RAPGEF4: variants seen among roughly 807,000 people sequenced by gnomAD.
The protein encoded by RAPGEF4 is RAP guanine-nucleotide-exchange factor (GEF) 4.
RAPGEF4 carries 66 observed loss-of-function variants against 147.9 expected under a neutral mutation model. The ratio of observed to expected loss-of-function variants is 0.45; its 90% CI spans 0.37 to 0.55. The LOEUF is 0.55. RAPGEF4 is among the 20% of genes least tolerant of loss of function. The pLI, the probability that RAPGEF4 is intolerant of heterozygous loss-of-function variation, is 0.00. For missense variants in RAPGEF4, 1,071 were observed against 1,257.3 expected (o/e 0.85, Z 2.24); for synonymous variants, 419 against 442.7 (o/e 0.95, Z 0.67).
At chr2:172,746,548 G>T (rs971908212) in intron 1 of RAPGEF4, among the ~76,000 whole-genome samples, 1 of 151,926 alleles carries the variant, frequency 6.6e-6, no homozygotes, top group Non-Finnish European at 1.5e-5. Context: ...CACTTTTATT[G>T]AATAAAATTG....
chr2:172,844,388 G>A (rs2194715), intron 4 of RAPGEF4, among the ~76,000 whole-genome samples: 3,807 of 152,220 alleles, frequency 0.025, 94 homozygotes, highest in East Asian at 0.11. Flanking sequence ...TGAGGCACTC[G>A]GGAAATAAAA....
At chr2:172,905,188 C>T (rs956568379) in intron 4 of RAPGEF4, among the ~76,000 whole-genome samples, 8 of 152,262 alleles carry the variant, frequency 5.3e-5, no homozygotes, top group Admixed American at 6.5e-5. Context: ...CCTCCCCACC[C>T]GAACAGGTTT....
intron 1 of RAPGEF4, among the ~76,000 whole-genome samples, chr2:172,759,118 A>C (rs1000410537): frequency 7.9e-5 from 12 of 152,176 alleles, no homozygotes; most frequent in African/African-American, 2.7e-4. Context: ...AAGAAGAAAG[A>C]CCAAAATCTG....
intron 6 of RAPGEF4, among the ~76,000 whole-genome samples, chr2:172,952,094 T>C (rs2105393605): frequency 6.6e-6 from 1 of 152,304 alleles, no homozygotes; most frequent in African/African-American, 2.4e-5. Context: ...CACTGCAACC[T>C]CAAACTACTG....
At chr2:172,909,783 G>T (rs949609038) in intron 4 of RAPGEF4, among the ~76,000 whole-genome samples, 1 of 152,180 alleles carries the variant, frequency 6.6e-6, no homozygotes, top group Non-Finnish European at 1.5e-5. Flanking sequence ...CTTCTATAAA[G>T]ATATGAACTG....
chr2:172,910,026 A>G (rs1699951357), intron 4 of RAPGEF4, among the ~76,000 whole-genome samples: 1 of 152,202 alleles, frequency 6.6e-6, no homozygotes, highest in Admixed American at 6.5e-5. Flanking sequence ...GCCAGGTGCC[A>G]TGCGTGCTCT....
intron 1 of RAPGEF4, 187 bp downstream of exon 1, chr2:172,736,235 T>A: frequency 2.6e-6 from 1 of 379,262 alleles, no homozygotes; most frequent in Non-Finnish European, 4.6e-6. Context: ...TCTCGTGGGG[T>A]GCCAGCGGCA....
At chr2:173,032,958 A>G (rs1169511167) in intron 26 of RAPGEF4, among the ~76,000 whole-genome samples, 1 of 152,196 alleles carries the variant, frequency 6.6e-6, no homozygotes, top group Non-Finnish European at 1.5e-5. Flanking sequence ...TGGGAAACGT[A>G]TCACACAGCT....
chr2:172,979,320 C>A (rs1691427921), intron 10 of RAPGEF4, among the ~76,000 whole-genome samples: 1 of 152,214 alleles, frequency 6.6e-6, no homozygotes, highest in African/African-American at 2.4e-5. Flanking sequence ...CTCCCTTGGG[C>A]AGACCCTAAA....
chr2:172,905,171 G>T (rs1003083937), intron 4 of RAPGEF4, among the ~76,000 whole-genome samples: 1 of 151,978 alleles, frequency 6.6e-6, no homozygotes, highest in African/African-American at 2.4e-5. Context: ...ATCTGAATTT[G>T]CCCTCTCCTC....
At chr2:172,993,019 G>A (rs1335130134) in intron 15 of RAPGEF4, among the ~76,000 whole-genome samples, 1 of 152,086 alleles carries the variant, frequency 6.6e-6, no homozygotes. Flanking sequence ...AAGCTGTAGG[G>A]CCTCTCCTCA....
At chr2:172,963,833 C>A (rs775205758) in intron 8 of RAPGEF4, among the ~76,000 whole-genome samples, 1 of 152,134 alleles carries the variant, frequency 6.6e-6, no homozygotes, top group Non-Finnish European at 1.5e-5. Context: ...TGCAGCATAA[C>A]CCCCCAAAAT....
intron 4 of RAPGEF4, among the ~76,000 whole-genome samples, chr2:172,915,669 A>T (rs1030299687): frequency 1.5e-5 from 2 of 136,146 alleles, no homozygotes; most frequent in African/African-American, 2.8e-5. Flanking sequence ...GCTCGACTGC[A>T]CTCCAGCCTG....
chr2:172,881,282 A>G (rs953899519), intron 4 of RAPGEF4, among the ~76,000 whole-genome samples: 2 of 152,178 alleles, frequency 1.3e-5, no homozygotes, highest in Non-Finnish European at 2.9e-5. Context: ...GCTCTTGGGA[A>G]TCAGACTACC....
At chr2:172,915,105 A>T (rs1303603974) in intron 4 of RAPGEF4, among the ~76,000 whole-genome samples, 1 of 152,274 alleles carries the variant, frequency 6.6e-6, no homozygotes, top group Non-Finnish European at 1.5e-5. Flanking sequence ...TTTATTAAAA[A>T]GTGCCCCATC....
At chr2:172,860,264 G>T in intron 4 of RAPGEF4, 21 of 985,436 alleles carry the variant, frequency 2.1e-5, no homozygotes, top group Non-Finnish European at 2.5e-5. Context: ...TACCCCTAGG[G>T]CTCCTGCCGT....
At chr2:172,895,650 G>A (rs939864123) in intron 4 of RAPGEF4, among the ~76,000 whole-genome samples, 1 of 152,072 alleles carries the variant, frequency 6.6e-6, no homozygotes, top group Non-Finnish European at 1.5e-5. Flanking sequence ...TGCCAATCTC[G>A]AATTTTGTGT....
chr2:173,022,548 C>G (rs114959654), intron 23 of RAPGEF4, among the ~76,000 whole-genome samples: 1 of 152,156 alleles, frequency 6.6e-6, no homozygotes, highest in African/African-American at 2.4e-5. Context: ...GATGACCCTG[C>G]AGTAGAGAAT....
At chr2:172,841,623 C>T (rs1691603488) in intron 4 of RAPGEF4, among the ~76,000 whole-genome samples, 1 of 152,118 alleles carries the variant, frequency 6.6e-6, no homozygotes, top group Non-Finnish European at 1.5e-5. Context: ...TTACAAGAAA[C>T]ACTCTGCCTA....
Sources: gnomAD v4.1 joint callset for allele counts (sites outside exome capture counted in the v4.1 genomes callset) on GRCh38, gnomAD v4.1.1 for gene constraint, MANE v1.5 for transcripts, NCBI Gene and HGNC (gene_info 2026-07-23, HGNC 2026-07-21) for gene names.